ZFHX3: variants seen among roughly 807,000 people sequenced by gnomAD.
The protein encoded by ZFHX3 is zinc finger homeobox protein 3.
ZFHX3 carries 42 observed loss-of-function variants against 279.1 expected under a neutral mutation model. That is an observed-to-expected ratio of 0.15 (90% CI 0.12 to 0.19). The LOEUF is 0.19. Among genes scored for constraint, ZFHX3 ranks in the 10% least tolerant of loss-of-function variants. The pLI, the probability that ZFHX3 is intolerant of heterozygous loss-of-function variation, is 1.00. For synonymous variants in ZFHX3, 2,293 were observed against 1,957.8 expected, an observed-to-expected ratio of 1.17 and a Z score of -4.52; for missense variants, 4,981 against 4,754.0, an observed-to-expected ratio of 1.05 and a Z score of -1.40.
chr16:73,550,763 C>G (rs2020191350), intron 2 of ZFHX3, among the ~76,000 whole-genome samples: 1 of 152,114 alleles, frequency 6.6e-6, no homozygotes, highest in Non-Finnish European at 1.5e-5. Context: ...CTTATTGTTT[C>G]CCAGGGAAGT....
intron 2 of ZFHX3, among the ~76,000 whole-genome samples, chr16:73,517,560 G>T (rs2019543721): frequency 6.6e-6 from 1 of 152,272 alleles, no homozygotes; most frequent in South Asian, 2.1e-4. Context: ...AATTTATTTG[G>T]GAGGAGCAGG....
At chr16:73,651,912 T>C (rs1021653307) in intron 2 of ZFHX3, among the ~76,000 whole-genome samples, 2 of 150,938 alleles carry the variant, frequency 1.3e-5, no homozygotes, top group African/African-American at 4.9e-5. Flanking sequence ...ATAGCCACAA[T>C]GGAAGTCAAA....
intron 3 of ZFHX3, among the ~76,000 whole-genome samples, chr16:72,938,386 G>T (rs374164039): frequency 1.3e-5 from 2 of 152,364 alleles, no homozygotes; most frequent in South Asian, 2.1e-4. Flanking sequence ...TCCCCTCAGC[G>T]GAGCTGGGCT....
chr16:73,526,008 T>C (rs2143716547), intron 2 of ZFHX3, among the ~76,000 whole-genome samples: 1 of 152,118 alleles, frequency 6.6e-6, no homozygotes, highest in East Asian at 1.9e-4. Flanking sequence ...AAAGACATGA[T>C]TAAAAGAAGG....
At position 72,795,898 on chromosome 16, in the gene ZFHX3, C is replaced by G. The variant is rs953863150; in HGVS notation, c.6784G>C (p.Asp2262His). The change falls in exon 9 of 10, where the codon GAT (aspartate) becomes CAT (histidine). Residue 2262 changes from aspartate to histidine, a missense_variant. Asp to His is a moderately conservative substitution (Grantham distance 81, BLOSUM62 -1). Coordinates refer to ENST00000268489, the MANE Select transcript of ZFHX3 (RefSeq NM_006885.4). ...TCATCCTTTGGGTAAGCATTGGCAT[C>G]GAAGAAGTCCTGTAAGACCCTCAGC... ...YQLRVLQDFF[D>H]ANAYPKDDEF... is the part of the protein sequence containing the mutation. 6.2e-7 allele frequency: 1 copy of G among 1,614,124 alleles called. No homozygotes were observed. Among genetic ancestry groups the G allele is most frequent in the African/African-American group, 1.3e-5 (1 of 75,024 alleles).
chr16:73,205,528 A>G (rs1293171623), intron 5 of ZFHX3, among the ~76,000 whole-genome samples: 1 of 152,204 alleles, frequency 6.6e-6, no homozygotes, highest in African/African-American at 2.4e-5. Context: ...AAGAATCCTC[A>G]ATAACGAGAT....
At chr16:72,999,819 C>A (rs752457994) in intron 1 of ZFHX3, among the ~76,000 whole-genome samples, 1 of 152,232 alleles carries the variant, frequency 6.6e-6, no homozygotes, top group Non-Finnish European at 1.5e-5. Flanking sequence ...TCACTCTCTC[C>A]GCTCAGCAGC....
At chr16:73,339,913 A>G (rs2015998124) in intron 3 of ZFHX3, among the ~76,000 whole-genome samples, 1 of 152,204 alleles carries the variant, frequency 6.6e-6, no homozygotes. Context: ...TATATGATTC[A>G]GCAGTGCTCG....
At chr16:73,031,802 T>G (rs1211174608) in intron 1 of ZFHX3, among the ~76,000 whole-genome samples, 1 of 152,066 alleles carries the variant, frequency 6.6e-6, no homozygotes, top group Non-Finnish European at 1.5e-5. Context: ...GAAGGCCCAC[T>G]GTGACCCTTG....
At chr16:73,207,613 C>A (rs1167616255) in intron 5 of ZFHX3, among the ~76,000 whole-genome samples, 1 of 152,112 alleles carries the variant, frequency 6.6e-6, no homozygotes, top group African/African-American at 2.4e-5. Context: ...AAATAAGTGG[C>A]TCACTAGAGA....
intron 2 of ZFHX3, among the ~76,000 whole-genome samples, chr16:73,458,325 ACTTCCTCCCTCC>A (rs1424016777): frequency 8.7e-6 from 1 of 115,416 alleles, no homozygotes; most frequent in Non-Finnish European, 1.7e-5. Flanking sequence ...TTCCTCCCTC[ACTTCCTCCCTCC>A]CTTCCTCCCT....
intron 5 of ZFHX3, among the ~76,000 whole-genome samples, chr16:73,177,781 T>C (rs1190418491): frequency 6.6e-6 from 1 of 152,228 alleles, no homozygotes; most frequent in Non-Finnish European, 1.5e-5. Context: ...GGGATAGGCC[T>C]TGTTCTCAAG....
At chr16:73,706,141 CA>C (rs2053300769) in intron 1 of ZFHX3, among the ~76,000 whole-genome samples, 1 of 152,038 alleles carries the variant, frequency 6.6e-6, no homozygotes, top group African/African-American at 2.4e-5. Context: ...CTCATCTCTA[CA>C]AAAATAAACA....
intron 1 of ZFHX3, among the ~76,000 whole-genome samples, chr16:72,995,787 TG>T (rs752571485): frequency 6.6e-6 from 1 of 152,188 alleles, no homozygotes; most frequent in Non-Finnish European, 1.5e-5. Context: ...AGGAAAGCTC[TG>T]GGCCTGGCCA....
intron 2 of ZFHX3, among the ~76,000 whole-genome samples, chr16:73,548,798 G>T (rs1176683838): frequency 6.6e-6 from 1 of 152,086 alleles, no homozygotes; most frequent in African/African-American, 2.4e-5. Flanking sequence ...CCTTTGAATT[G>T]CTATGTAAAC....
chr16:73,433,236 T>C (rs185866246), intron 3 of ZFHX3, among the ~76,000 whole-genome samples: 16 of 152,270 alleles, frequency 1.1e-4, no homozygotes, highest in African/African-American at 3.4e-4. Context: ...CAAGAGAGAT[T>C]TGAAACCCCA....
intron 2 of ZFHX3, among the ~76,000 whole-genome samples, chr16:73,597,805 C>A (rs912417445): frequency 7.9e-5 from 12 of 152,188 alleles, no homozygotes; most frequent in Admixed American, 6.5e-5. Flanking sequence ...ATTTCTATTG[C>A]TTTAAATCAC....
At chr16:73,719,536 C>A (rs2053452629) in intron 1 of ZFHX3, among the ~76,000 whole-genome samples, 1 of 152,190 alleles carries the variant, frequency 6.6e-6, no homozygotes, top group Non-Finnish European at 1.5e-5. Flanking sequence ...TTATAAGACT[C>A]TTACAATTAC....
At chr16:73,454,714 A>T (rs1053914590) in intron 3 of ZFHX3, among the ~76,000 whole-genome samples, 4 of 152,096 alleles carry the variant, frequency 2.6e-5, no homozygotes, top group Non-Finnish European at 5.9e-5. Flanking sequence ...CCCACCCAAT[A>T]AAGAGTGTGT....
Sources: gnomAD v4.1 joint callset for allele counts (sites outside exome capture counted in the v4.1 genomes callset) on GRCh38, gnomAD v4.1.1 for gene constraint, MANE v1.5 for transcripts, NCBI Gene and HGNC (gene_info 2026-07-23, HGNC 2026-07-21) for gene names.